SCFD1: variants seen among roughly 807,000 people sequenced by gnomAD.
The protein encoded by SCFD1 is sec1 family domain containing 1.
In SCFD1, 37 loss-of-function variants were observed where a neutral mutation model predicts 103.2. That is an observed-to-expected ratio of 0.36 (90% CI 0.28 to 0.47). The LOEUF is 0.47. Ranked by LOEUF, SCFD1 falls within the 20% of genes least tolerant of loss-of-function variation. SCFD1 has a pLI of 1.00. For missense variants in SCFD1, 639 were observed against 761.2 expected (o/e 0.84, Z 1.89); for synonymous variants, 264 against 245.0 (o/e 1.08, Z -0.73).
At position 30,694,834 on chromosome 14, in the gene SCFD1, A is replaced by G. The variant is rs769660434; in HGVS notation, c.1304A>G (p.Asp435Gly). 4 of 1,587,180 alleles carry G rather than the reference A, an allele frequency of 2.5e-6. No homozygotes were observed. In the Admixed American group the frequency reaches 7.7e-5, roughly 30 times the overall value. Reference sequence around the variant, plus strand: ...AAAATAATGAGCAAAACTACTCTGGATAAATCTCTTCTAGATATAATATCA... The same window carrying G: ...AAAATAATGAGCAAAACTACTCTGGGTAAATCTCTTCTAGATATAATATCA... ...EEKIMSKTTL[D>G]KSLLDIISDP... is the part of the protein sequence containing the mutation. Residue 435 changes from aspartate to glycine, a missense_variant, in exon 15 of 25, where the codon GAT becomes GGT. Transcript: ENST00000458591.
intron 7 of SCFD1, among the ~76,000 whole-genome samples, chr14:30,647,866 G>A (rs912303969): frequency 6.6e-6 from 1 of 152,026 alleles, no homozygotes; most frequent in African/African-American, 2.4e-5. Flanking sequence ...GGCCAGGCTG[G>A]TCTCGAACTC....
At chr14:30,660,259 T>G (rs914144040) in intron 10 of SCFD1, among the ~76,000 whole-genome samples, 1 of 152,226 alleles carries the variant, frequency 6.6e-6, no homozygotes, top group African/African-American at 2.4e-5. Flanking sequence ...ATTTTGGCAT[T>G]TGGCTGATTG....
At position 30,646,393 on chromosome 14, in the gene SCFD1, G is replaced by T. The variant is rs908615862; in HGVS notation, c.613+2988G>T. ...CTGTGTCTGTTGAGATGATCATATG[G>T]TTTTTGTTTTTAGTTCTTTTTATGT... On this transcript the variant is annotated intron_variant, in intron 7 of 24. Transcript: ENST00000458591. 3.1e-4 allele frequency among the ~76,000 whole-genome samples: 46 copies of T among 149,876 alleles called. 1 individual carries two copies. The highest frequency in any genetic ancestry group is 1.2e-3 in the African/African-American group (46 of 39,330).
intron 18 of SCFD1, among the ~76,000 whole-genome samples, chr14:30,707,649 G>A (rs1158331746): frequency 6.6e-6 from 1 of 151,616 alleles, no homozygotes; most frequent in African/African-American, 2.4e-5. Context: ...AGACAATCAG[G>A]AAGGCAAGGA....
In SCFD1 at chr14:30,653,600, A is replaced by T; in HGVS notation, c.855+12A>T. ...TGCACGATGTACTGGTAAGAGACTA[A>T]ATGCAGCACTTATTACTGAAATATA... is the stretch of plus-strand genomic sequence containing the variant. On this transcript the variant is annotated intron_variant, in intron 10 of 24. Transcript: ENST00000458591. The T allele has an allele frequency of 6.6e-7, 1 of 1,523,066 alleles. No homozygotes were observed. Among genetic ancestry groups the T allele is most frequent in the Non-Finnish European group, 9.1e-7 (1 of 1,101,726 alleles). The allele number at this position is 1,523,066 out of a possible 1,614,324, so 94.3% of individuals were successfully genotyped here.
chr14:30,674,644 A>T (rs1449228372), intron 13 of SCFD1, among the ~76,000 whole-genome samples: 1 of 128,680 alleles, frequency 7.8e-6, no homozygotes, highest in African/African-American at 3.6e-5. Context: ...ACTCTGTCTC[A>T]AAAAAAAGAA....
At chr14:30,672,741 C>T (rs1365575541) in intron 11 of SCFD1, among the ~76,000 whole-genome samples, 3 of 152,128 alleles carry the variant, frequency 2.0e-5, no homozygotes, top group African/African-American at 7.2e-5. Context: ...AACTGTGGCC[C>T]AAGTGCTATT....
chr14:30,631,897 T>C (rs894806557), intron 3 of SCFD1, among the ~76,000 whole-genome samples: 9 of 151,792 alleles, frequency 5.9e-5, no homozygotes, highest in Non-Finnish European at 4.4e-5. Context: ...AGTACAAAAA[T>C]TAGCTGGGCA....
In SCFD1 at chr14:30,622,335, C is replaced by T. The variant is rs528272715; in HGVS notation, c.-4C>T. The T allele has an allele frequency of 3.2e-6, 5 of 1,580,868 alleles. No individual in the cohort carries two copies. The highest frequency in any genetic ancestry group is 1.3e-5 in the African/African-American group (1 of 74,264). Reference sequence around the variant, plus strand: ...CAGCCGGGCAGTGGCTCGTGGGAGCCAAGATGGCGGCGGCGGCGGCAGCGA... The same window carrying T: ...CAGCCGGGCAGTGGCTCGTGGGAGCTAAGATGGCGGCGGCGGCGGCAGCGA... On this transcript the variant is annotated 5_prime_UTR_variant, in exon 1 of 25. Coordinates refer to ENST00000458591, the MANE Select transcript of SCFD1 (RefSeq NM_016106.4).
At chr14:30,648,101 G>T (rs1378540403) in intron 7 of SCFD1, among the ~76,000 whole-genome samples, 2 of 152,144 alleles carry the variant, frequency 1.3e-5, no homozygotes, top group Non-Finnish European at 2.9e-5. Flanking sequence ...CACAGACTTA[G>T]TAGATTATAT....
chr14:30,642,705 A>G (rs1369413868), intron 6 of SCFD1, among the ~76,000 whole-genome samples: 2 of 152,218 alleles, frequency 1.3e-5, no homozygotes, highest in East Asian at 1.9e-4. Flanking sequence ...GAATAAAACT[A>G]TGGAATATGA....
At chr14:30,670,421 G>C (rs766012873) in intron 11 of SCFD1, 26 bp downstream of exon 11, 4 of 1,467,570 alleles carry the variant, frequency 2.7e-6, no homozygotes, top group South Asian at 2.6e-5. Flanking sequence ...ATAAGTAAAA[G>C]ATTCATTTTT....
intron 19 of SCFD1, among the ~76,000 whole-genome samples, chr14:30,712,916 CT>C (rs1316123958): frequency 6.6e-6 from 1 of 152,104 alleles, no homozygotes; most frequent in Non-Finnish European, 1.5e-5. Context: ...ATTTATACCC[CT>C]TTTACTGAAG....
intron 10 of SCFD1, among the ~76,000 whole-genome samples, chr14:30,667,372 C>T (rs993929628): frequency 1.3e-5 from 2 of 152,154 alleles, no homozygotes; most frequent in African/African-American, 2.4e-5. Context: ...ATGCTAAAAC[C>T]TCTCAATAAA....
At chr14:30,639,202 G>T (rs1423590707) in intron 5 of SCFD1, among the ~76,000 whole-genome samples, 1 of 151,982 alleles carries the variant, frequency 6.6e-6, no homozygotes, top group East Asian at 1.9e-4. Context: ...TGTTGCCCAG[G>T]TCTCAAACTT....
chr14:30,684,042 T>C (rs371432917), intron 14 of SCFD1, among the ~76,000 whole-genome samples: 9 of 152,178 alleles, frequency 5.9e-5, no homozygotes, highest in East Asian at 1.9e-4. Flanking sequence ...GGGAGAGAAA[T>C]AGTAAAAAGA....
intron 10 of SCFD1, 55 bp downstream of exon 10, chr14:30,653,643 C>A: frequency 8.3e-7 from 1 of 1,198,186 alleles, no homozygotes; most frequent in Non-Finnish European, 1.2e-6. Context: ...GCAGTGTTCC[C>A]TTTAATTTAA....
chr14:30,714,558 G>A (rs1364483980), intron 19 of SCFD1, among the ~76,000 whole-genome samples: 1 of 152,148 alleles, frequency 6.6e-6, no homozygotes, highest in Non-Finnish European at 1.5e-5. Flanking sequence ...CACTTTACCA[G>A]TCTAGGGAAG....
chr14:30,646,774 T>C (rs1885874226), intron 7 of SCFD1, among the ~76,000 whole-genome samples: 1 of 152,206 alleles, frequency 6.6e-6, no homozygotes, highest in African/African-American at 2.4e-5. Context: ...TCATAGATTT[T>C]TTATTACTGA....
Sources: gnomAD v4.1 joint callset for allele counts (sites outside exome capture counted in the v4.1 genomes callset) on GRCh38, gnomAD v4.1.1 for gene constraint, MANE v1.5 for transcripts, NCBI Gene and HGNC (gene_info 2026-07-23, HGNC 2026-07-21) for gene names.